Variants in PLXNB2 observed in about 807,000 individuals in gnomAD.
PLXNB2 encodes the protein plexin B2.
A neutral mutation model predicts 202.6 loss-of-function variants in PLXNB2; 85 were observed. That is an observed-to-expected ratio of 0.42 (90% CI 0.35 to 0.50). PLXNB2 has a LOEUF of 0.50. Among genes scored for constraint, PLXNB2 ranks in the 20% least tolerant of loss-of-function variants. The pLI is 0.02. For synonymous variants in PLXNB2, 1,239 were observed against 1,137.6 expected, an observed-to-expected ratio of 1.09 and a Z score of -1.79; for missense variants, 2,063 against 2,586.2, an observed-to-expected ratio of 0.80 and a Z score of 4.39.
At position 50,289,032 on chromosome 22, in the gene PLXNB2, C is replaced by A. The variant is rs555577276; in HGVS notation, c.1179G>T (p.Thr393=). The A allele has an allele frequency of 6.2e-7, 1 of 1,610,012 alleles. No homozygotes were observed. The highest frequency in any genetic ancestry group is 2.2e-5 in the East Asian group (1 of 44,780). ...AVLQRGGLNL[T]AVTVAAENNH... The stretch of plus-strand genomic sequence containing the variant: ...TGTTCTCGGCGGCGACCGTCACGGC[C>A]GTGAGGTTCAGGCCTCCACGCTGCA... The change falls in exon 4 of 37, where the codon ACG becomes ACT. Residue 393 remains threonine, a synonymous_variant. Coordinates refer to ENST00000359337, the MANE Select transcript of PLXNB2 (RefSeq NM_012401.4). The surrounding 1 kb of genome is among the most constrained non-coding windows in gnomAD (Gnocchi z 8.0).
chr22:50,301,552 C>A, intron 1 of PLXNB2: 1 of 217,100 alleles, frequency 4.6e-6, no homozygotes, highest in Non-Finnish European at 7.9e-6. Context: ...GGCCTCCCGG[C>A]CCGCCGGTGC....
Position 50,284,278 on chromosome 22 carries a change from C to G in PLXNB2, c.2182-65G>C. On this transcript the variant is annotated intron_variant, in intron 12 of 36. Transcript: ENST00000359337. This position sits in a 1 kb window ranked among gnomAD's most constrained non-coding sequence, Gnocchi z 8.0. ...ACAGAGGGGCGTGGGGCGGGGGTCA[C>G]AAGGGCAGCCTCCCTGTGGCCACCG... 1.4e-6 allele frequency: 2 copies of G among 1,451,234 alleles called. No homozygotes were observed. Among genetic ancestry groups the G allele is most frequent in the African/African-American group, 1.4e-5 (1 of 71,978 alleles). The allele number at this position is 1,451,234 out of a possible 1,614,324, so 89.9% of individuals were successfully genotyped here.
intron 1 of PLXNB2, among the ~76,000 whole-genome samples, chr22:50,299,922 C>A (rs1015216686): frequency 6.6e-6 from 1 of 152,170 alleles, no homozygotes; most frequent in Non-Finnish European, 1.5e-5. Context: ...CCTCCCCCGG[C>A]GCCGGCACCG....
chr22:50,296,327 G>C (rs1281243519), intron 1 of PLXNB2, among the ~76,000 whole-genome samples: 5 of 152,122 alleles, frequency 3.3e-5, no homozygotes, highest in African/African-American at 7.2e-5. Flanking sequence ...AGGCAGAGTA[G>C]CTTGAGCCCA....
At chr22:50,281,770 G>A in intron 20 of PLXNB2, 28 bp from the exon 21 acceptor site, 1 of 1,564,700 alleles carries the variant, frequency 6.4e-7, no homozygotes, top group Non-Finnish European at 8.7e-7. Context: ...GTCGGGGTGA[G>A]GAGGAGGGAA....
intron 1 of PLXNB2, among the ~76,000 whole-genome samples, 182 bp downstream of exon 1, chr22:50,307,371 C>A (rs1029833273): frequency 2.0e-5 from 3 of 151,552 alleles, no homozygotes; most frequent in African/African-American, 7.3e-5. Flanking sequence ...GCGGCAGCGG[C>A]CCGGGCCTCG....
chr22:50,287,222 C>T lies in PLXNB2; in HGVS notation c.1651G>A (p.Asp551Asn), dbSNP rs745652433. 7 of 1,550,148 alleles carry T rather than the reference C, an allele frequency of 4.5e-6. No individual in the cohort carries two copies. Among genetic ancestry groups the T allele is most frequent in the South Asian group, 2.4e-5 (2 of 83,882 alleles). Residue 551 changes from aspartate to asparagine, a missense_variant, in exon 8 of 37, where the codon GAC becomes AAC. Physicochemically the swap from Asp to Asn is conservative, Grantham distance 23. This residue lies in a region of PLXNB2 where 1,303 missense variants were observed against 1,476.8 expected (regional missense o/e 0.88). Transcript: ENST00000359337. Reference protein sequence around the residue: ...VSPLPALSEEDELLCLFGESP... With the variant: ...VSPLPALSEENELLCLFGESP... ...TCCCCAAAAAGGCACAGCAACTCGTCCTCCTCGCTCAGGGCAGGGAGGGGG... is the reference window on the plus strand; with the variant it reads ...TCCCCAAAAAGGCACAGCAACTCGTTCTCCTCGCTCAGGGCAGGGAGGGGG...
Position 50,278,427 on chromosome 22 carries a change from G to C in PLXNB2, c.4732+8C>G, listed in dbSNP as rs1260533834. ...CTGGAAGGAAACGGGCAACAGGGAGGGACTCACGCTCCCCAGGCAGGTCCT... is the reference window on the plus strand; with the variant it reads ...CTGGAAGGAAACGGGCAACAGGGAGCGACTCACGCTCCCCAGGCAGGTCCT... On this transcript the variant is annotated splice_region_variant and intron_variant, in intron 30 of 36. Coordinates refer to ENST00000359337, the MANE Select transcript of PLXNB2 (RefSeq NM_012401.4). The C allele has an allele frequency of 1.9e-5, 29 of 1,559,370 alleles. No individual in the cohort carries two copies. The highest frequency in any genetic ancestry group is 2.5e-5 in the Non-Finnish European group (29 of 1,151,536).
chr22:50,279,201 G>A (rs528276656), intron 27 of PLXNB2, among the ~76,000 whole-genome samples, 190 bp from the exon 28 acceptor site: 3 of 152,356 alleles, frequency 2.0e-5, no homozygotes, highest in East Asian at 1.9e-4. Context: ...TGCCTGCTCC[G>A]GCTCAGCAGG....
At chr22:50,305,825 C>T (rs1305170278) in intron 1 of PLXNB2, among the ~76,000 whole-genome samples, 1 of 152,164 alleles carries the variant, frequency 6.6e-6, no homozygotes, top group African/African-American at 2.4e-5. Flanking sequence ...GAGGGGGTCC[C>T]TGGGTGGGCC....
Position 50,287,938 on chromosome 22 carries a change from G to A in PLXNB2, c.1480C>T (p.Arg494Ter). Residue 494 changes from arginine to a stop codon, truncating the protein, a stop_gained and splice_region_variant, in exon 6 of 37, where the codon CGA becomes TGA. Transcript: ENST00000359337. LOFTEE classifies it high-confidence loss of function. ...PYCGWCVVEGRCTRKAECPRA... is the reference protein window; with the variant it reads ...PYCGWCVVEG ...CCCCGAGCCACCCCAGGCACTCACC[G>A]TCCCTCGACGACGCACCAGCCGCAG... 6.3e-7 allele frequency: 1 copy of A among 1,585,016 alleles called. No individual in the cohort carries two copies.
chr22:50,281,292 A>C lies in PLXNB2; in HGVS notation c.3662+68T>G, dbSNP rs1169369366. ...GCCTGCCTGTGCAGGGCGGCGGATG[A>C]GGCCAGAGGGGCCGAGGCGGGAGGG... On this transcript the variant is annotated intron_variant, in intron 22 of 36. Coordinates refer to ENST00000359337, the MANE Select transcript of PLXNB2 (RefSeq NM_012401.4). 21 of 1,588,068 alleles carry C rather than the reference A, an allele frequency of 1.3e-5. No homozygotes were observed. In the Admixed American group the frequency reaches 3.7e-4, roughly 28 times the overall value.
chr22:50,293,821 C>T (rs1601746178), intron 2 of PLXNB2, among the ~76,000 whole-genome samples: 1 of 152,326 alleles, frequency 6.6e-6, no homozygotes, highest in East Asian at 1.9e-4. Flanking sequence ...GTAGGGGCCC[C>T]GGTACAGGAA....
chr22:50,299,674 G>A (rs1196543063), intron 1 of PLXNB2, among the ~76,000 whole-genome samples: 2 of 152,164 alleles, frequency 1.3e-5, no homozygotes, highest in African/African-American at 2.4e-5. Context: ...CCCGTGGGTA[G>A]GCGCGGGGAG....
chr22:50,281,024 C>T (rs753776294), intron 23 of PLXNB2, 51 bp from the exon 24 acceptor site: 1 of 1,600,096 alleles, frequency 6.2e-7, no homozygotes, highest in Admixed American at 1.7e-5. Context: ...GCCCTGACCC[C>T]CACGCTACAC....
rs368905031 is a variant in PLXNB2 at position 50,286,062 on chromosome 22, C to T, written c.1914G>A (p.Gln638=). The T allele has an allele frequency of 3.1e-6, 5 of 1,612,092 alleles. No individual in the cohort carries two copies. Among genetic ancestry groups the T allele is most frequent in the Non-Finnish European group, 4.2e-6 (5 of 1,179,988 alleles). The change falls in exon 10 of 37, where the codon CAG becomes CAA. Residue 638 remains glutamine, a synonymous_variant. Transcript: ENST00000359337. ...ISCVSNRWTC[Q]WDLRYHECRE... ...GGCACTCGTGGTAGCGCAGGTCCCA[C>T]TGGCAGGTCCAGCGGTTGCTCACGC...
Position 50,276,720 on chromosome 22 carries a change from C to G in PLXNB2, c.5262-16G>C. ...CTTGTAGTAACTGCAGGGGTGGGAGCATCATACAGTGTGGGCGGCAGGGAC... is the reference window on the plus strand; with the variant it reads ...CTTGTAGTAACTGCAGGGGTGGGAGGATCATACAGTGTGGGCGGCAGGGAC... On this transcript the variant is annotated splice_polypyrimidine_tract_variant and intron_variant, in intron 34 of 36. Coordinates refer to ENST00000359337, the MANE Select transcript of PLXNB2 (RefSeq NM_012401.4). 1 of 1,606,290 alleles carries G rather than the reference C, an allele frequency of 6.2e-7. No individual in the cohort carries two copies. Among genetic ancestry groups the G allele is most frequent in the Non-Finnish European group, 8.5e-7 (1 of 1,173,272 alleles).
chr22:50,277,641 C>T lies in PLXNB2; in HGVS notation c.5146G>A (p.Ala1716Thr). The T allele has an allele frequency of 1.2e-6, 2 of 1,608,088 alleles. No homozygotes were observed. Among genetic ancestry groups the T allele is most frequent in the Non-Finnish European group, 1.7e-6 (2 of 1,176,736 alleles). The part of the protein sequence containing the change: ...EVVDASLSVI[A>T]QTFMDACTRT... ...GTGCAGGCATCCATGAAGGTCTGCG[C>T]GATGACTGACAGCGAGGCGTCCACC... The change falls in exon 33 of 37, where the codon GCG (alanine) becomes ACG (threonine). Residue 1716 changes from alanine to threonine, a missense_variant. Physicochemically the swap from Ala to Thr is moderately conservative, Grantham distance 58 (BLOSUM62 0). Coordinates refer to ENST00000359337, the MANE Select transcript of PLXNB2 (RefSeq NM_012401.4).
In PLXNB2 at chr22:50,278,997, G is replaced by A. The variant is rs998895556; in HGVS notation, c.4404C>T (p.Ile1468=). The change falls in exon 28 of 37, where the codon ATC becomes ATT. Residue 1468 remains isoleucine, a synonymous_variant. Coordinates refer to ENST00000359337, the MANE Select transcript of PLXNB2 (RefSeq NM_012401.4). ...TGGCGTCCACTCCCTCGTCCTGCAC[G>A]ATCACGCTCACCGTCTGCCGAGACA... ...VEYAPLTVSV[I]VQDEGVDAIP... is the part of the protein sequence containing the mutation. 10 of 1,609,898 alleles carry A rather than the reference G, an allele frequency of 6.2e-6. No individual in the cohort carries two copies. In the East Asian group the frequency reaches 6.7e-5, roughly 11 times the overall value.
Sources: allele counts gnomAD v4.1 joint callset (sites outside exome capture counted in the v4.1 genomes callset), GRCh38; gene constraint gnomAD v4.1.1; regional missense constraint gnomAD v4.1.1; non-coding constraint Gnocchi (gnomAD v3.1); transcripts MANE v1.5; gene names NCBI Gene and HGNC (gene_info 2026-07-23, HGNC 2026-07-21).